PFKM: variants seen among roughly 807,000 people sequenced by gnomAD.
PFKM encodes phosphofructokinase, muscle, also known as ATP-dependent 6-phosphofructokinase, muscle type.
Under a neutral mutation model 95.5 loss-of-function variants are expected in PFKM, and 58 were observed. The ratio of observed to expected loss-of-function variants is 0.61; its 90% CI spans 0.49 to 0.76. The LOEUF is 0.76. Ranked by LOEUF, PFKM falls within the 30% of genes least tolerant of loss-of-function variation. The pLI is 0.00. For missense variants in PFKM, 678 were observed against 1,005.4 expected, an observed-to-expected ratio of 0.67 and a Z score of 4.40; for synonymous variants, 336 against 357.2, an observed-to-expected ratio of 0.94 and a Z score of 0.67.
chr12:48,107,298 A>G lies in PFKM; in HGVS notation c.-9-67A>G, dbSNP rs554756405. On this transcript the variant is annotated intron_variant, in intron 1 of 24. Coordinates refer to the PFKM transcript ENST00000340802. Reference sequence around the variant, plus strand: ...AAGTAGTCATGAGTGTAGCTGGTCCATGTCAGTCACTGACATCTTATTTCA... The same window carrying G: ...AAGTAGTCATGAGTGTAGCTGGTCCGTGTCAGTCACTGACATCTTATTTCA... 12 of 991,924 alleles carry G rather than the reference A, an allele frequency of 1.2e-5. No individual in the cohort carries two copies. The Admixed American group carries it at 1.9e-4, about 15-fold the overall frequency. 61.4% of individuals were successfully genotyped at this position (991,924 alleles called of 1,614,324 possible). A position where few individuals can be genotyped will look rare whatever the true frequency, so the allele number is the denominator to read the frequency against.
chr12:48,120,180 TC>T (rs1214901657), intron 1 of PFKM, among the ~76,000 whole-genome samples: 1 of 152,196 alleles, frequency 6.6e-6, no homozygotes, highest in Non-Finnish European at 1.5e-5. Context: ...ACATGAACAT[TC>T]CAGTTAAATA....
At chr12:48,117,522 C>G (rs1453405698), upstream of PFKM, among the ~76,000 whole-genome samples, 1 of 152,194 alleles carries the variant, frequency 6.6e-6, no homozygotes, top group Non-Finnish European at 1.5e-5. Flanking sequence ...ATCATTTAAT[C>G]ATTCTAATAG....
intron 3 of PFKM, among the ~76,000 whole-genome samples, chr12:48,108,375 A>T (rs1054268346): frequency 1.3e-5 from 2 of 151,734 alleles, no homozygotes; most frequent in Admixed American, 1.3e-4. Context: ...AGAAAGAGGG[A>T]TGGGGAGGGA....
At chr12:48,121,892 C>A (rs1236716267) in intron 1 of PFKM, among the ~76,000 whole-genome samples, 1 of 152,116 alleles carries the variant, frequency 6.6e-6, no homozygotes, top group Non-Finnish European at 1.5e-5. Flanking sequence ...GCCTGAAAAA[C>A]TGGGAGAGTG....
chr12:48,112,609 G>C (rs1230586192), intron 3 of PFKM, among the ~76,000 whole-genome samples: 2 of 152,150 alleles, frequency 1.3e-5, no homozygotes, highest in African/African-American at 2.4e-5. Context: ...GCATGTTTGA[G>C]ATCCACTACA....
intron 3 of PFKM, among the ~76,000 whole-genome samples, chr12:48,111,203 G>T (rs747330753): frequency 6.6e-6 from 1 of 152,188 alleles, no homozygotes; most frequent in African/African-American, 2.4e-5. Context: ...CATTCCAAAG[G>T]AGTGCTGCTT....
chr12:48,138,283 G>A (rs1002734354), intron 11 of PFKM, among the ~76,000 whole-genome samples: 18 of 152,304 alleles, frequency 1.2e-4, no homozygotes, highest in African/African-American at 3.9e-4. Flanking sequence ...TAATGCTAAC[G>A]TTGAGGGTTA....
chr12:48,139,625 C>T lies in PFKM; in HGVS notation c.1128-224C>T, dbSNP rs1237305832. On this transcript the variant is annotated intron_variant, in intron 12 of 22. Transcript: ENST00000359794. ...AGTTCCTCTAGGCAAGGGACAGTCTCTTGTGCTGAGCATAGTGCCTGAAGA... is the reference window on the plus strand; with the variant it reads ...AGTTCCTCTAGGCAAGGGACAGTCTTTTGTGCTGAGCATAGTGCCTGAAGA... 10 of 630,382 alleles carry T rather than the reference C, an allele frequency of 1.6e-5. No homozygotes were observed. In the Admixed American group the frequency reaches 1.7e-4, roughly 11 times the overall value. 39.0% of individuals were successfully genotyped at this position (630,382 alleles called of 1,614,324 possible). A position where few individuals can be genotyped will look rare whatever the true frequency, so the allele number is the denominator to read the frequency against.
At chr12:48,108,270 A>C in intron 3 of PFKM, 1 of 1,423,322 alleles carries the variant, frequency 7.0e-7, no homozygotes, top group Non-Finnish European at 9.6e-7. Flanking sequence ...TAGTATTATA[A>C]ATCAGCGTAG....
chr12:48,118,306 A>C (rs1483016362), upstream of PFKM, among the ~76,000 whole-genome samples: 3 of 152,196 alleles, frequency 2.0e-5, no homozygotes, highest in Non-Finnish European at 2.9e-5. Flanking sequence ...TGAGTTCTTT[A>C]TTTATTCTGG....
At chr12:48,132,831 C>T (rs1949656793) in intron 4 of PFKM, 37 bp from the exon 5 acceptor site, 3 of 1,557,358 alleles carry the variant, frequency 1.9e-6, no homozygotes, top group African/African-American at 1.4e-5. Flanking sequence ...CATGTTGAGC[C>T]CTGTCTCTGG....
chr12:48,141,023 G>A, intron 14 of PFKM, 152 bp downstream of exon 14: 1 of 758,636 alleles, frequency 1.3e-6, no homozygotes, highest in Non-Finnish European at 2.1e-6. Flanking sequence ...TACTAGGGCA[G>A]TAGGAACAGC....
intron 7 of PFKM, 84 bp downstream of exon 7, chr12:48,134,360 C>T (rs1469598259): frequency 1.6e-5 from 18 of 1,144,826 alleles, no homozygotes; most frequent in Non-Finnish European, 5.3e-6. Flanking sequence ...TGAGGTCTCT[C>T]AGTAGCAGCA....
chr12:48,118,469 T>C (rs1397000929), upstream of PFKM: 1 of 1,353,802 alleles, frequency 7.4e-7, no homozygotes, highest in Middle Eastern at 1.8e-4. Flanking sequence ...TGCATTTGTA[T>C]TGTTTGTGCC....
chr12:48,119,427 A>G, intron 1 of PFKM, 21 bp downstream of exon 1: 2 of 985,828 alleles, frequency 2.0e-6, no homozygotes, highest in South Asian at 9.4e-5. Flanking sequence ...CCATTGAGTG[A>G]AGAGCAAGGG....
chr12:48,110,702 T>G (rs1311504768), intron 3 of PFKM, among the ~76,000 whole-genome samples: 2 of 152,224 alleles, frequency 1.3e-5, no homozygotes, highest in Admixed American at 1.3e-4. Context: ...GATTCTGTGC[T>G]CTAGTCCTTA....
chr12:48,145,400 C>A lies in PFKM; in HGVS notation c.2198+85C>A. On this transcript the variant is annotated intron_variant, in intron 22 of 22. Transcript: ENST00000359794. This position sits in a 1 kb window ranked among gnomAD's most constrained non-coding sequence, Gnocchi z 4.3. The stretch of plus-strand genomic sequence containing the variant: ...CTCAACCTGTTCACTGTCTTTAATT[C>A]TTTTTTTTTTTTAAGGAGTAACACC... The A allele has an allele frequency of 1.8e-6, 2 of 1,131,758 alleles. No homozygotes were observed. The highest frequency in any genetic ancestry group is 1.6e-5 in the African/African-American group (1 of 62,960). 70.1% of individuals were successfully genotyped at this position (1,131,758 alleles called of 1,614,324 possible). A position where few individuals can be genotyped will look rare whatever the true frequency, so the allele number is the denominator to read the frequency against.
chr12:48,138,414 G>A (rs11168425), intron 11 of PFKM, among the ~76,000 whole-genome samples: 44,589 of 152,064 alleles, frequency 0.29, 6,679 homozygotes, highest in Non-Finnish European at 0.31. Context: ...CAGAGCGAAC[G>A]TGGCGGCTGA....
intron 10 of PFKM, among the ~76,000 whole-genome samples, chr12:48,136,179 G>A (rs1180456652): frequency 1.3e-5 from 2 of 152,102 alleles, no homozygotes; most frequent in East Asian, 1.9e-4. Flanking sequence ...GAGCCACTGC[G>A]CCTGGCCCTC....
Sources: gnomAD v4.1 joint callset for allele counts (sites outside exome capture counted in the v4.1 genomes callset) on GRCh38, gnomAD v4.1.1 for gene constraint, Gnocchi (gnomAD v3.1) non-coding constraint, MANE v1.5 for transcripts, NCBI Gene and HGNC (gene_info 2026-07-23, HGNC 2026-07-21) for gene names.